The following FPGS variants were observed in gnomAD, a reference collection of about 807,000 sequenced individuals.
FPGS encodes folylpolyglutamate synthase, mitochondrial.
In FPGS, 53 loss-of-function variants were observed where a neutral mutation model predicts 66.5. That is an observed-to-expected ratio of 0.80 (90% CI 0.64 to 1.00). The LOEUF (loss-of-function observed/expected upper bound fraction) is 1.00, where lower values mean the gene tolerates loss of function less well. Ranked by LOEUF, FPGS falls within the 50% of genes least tolerant of loss-of-function variation. The pLI, the probability that FPGS is intolerant of heterozygous loss-of-function variation, is 0.00. For synonymous variants in FPGS, 348 were observed against 350.9 expected, an observed-to-expected ratio of 0.99 and a Z score of 0.09; for missense variants, 702 against 807.7, an observed-to-expected ratio of 0.87 and a Z score of 1.59.
chr9:127,808,820 T>C lies in FPGS; in HGVS notation c.991T>C (p.Ser331Pro), dbSNP rs766532671. Residue 331 changes from serine to proline, a missense_variant, in exon 11 of 15, where the codon TCC (serine) becomes CCC (proline). Coordinates refer to ENST00000373247, the MANE Select transcript of FPGS (RefSeq NM_004957.6). ...CGCAGGTGCTGGGGAGCCAAAGGCA[T>C]CCAGGCCAGGGCTCCTGTGGCAGCT... is the stretch of plus-strand genomic sequence containing the variant. Reference protein sequence around the residue: ...DRHGAGEPKASRPGLLWQLPL... With the variant: ...DRHGAGEPKAPRPGLLWQLPL... 3.8e-6 allele frequency: 6 copies of C among 1,562,340 alleles called. No individual in the cohort carries two copies. In the Admixed American group the frequency reaches 5.7e-5, roughly 15 times the overall value.
Position 127,808,787 on chromosome 9 carries a change from A to G in FPGS, c.971-13A>G. Reference sequence around the variant, plus strand: ...GAGGGTCCCGGACACACTTGGTCTCACACACCCCGCAGGTGCTGGGGAGCC... The same window carrying G: ...GAGGGTCCCGGACACACTTGGTCTCGCACACCCCGCAGGTGCTGGGGAGCC... On this transcript the variant is annotated splice_polypyrimidine_tract_variant and intron_variant, in intron 10 of 14. Coordinates refer to ENST00000373247, the MANE Select transcript of FPGS (RefSeq NM_004957.6). 1 of 1,556,074 alleles carries G rather than the reference A, an allele frequency of 6.4e-7. No homozygotes were observed. The highest frequency in any genetic ancestry group is 8.7e-7 in the Non-Finnish European group (1 of 1,149,710).
At chr9:127,812,699 G>GT (rs139944773) in intron 14 of FPGS, among the ~76,000 whole-genome samples, 49,538 of 149,850 alleles carry the variant, frequency 0.33, 9,531 homozygotes, top group East Asian at 0.66. Context: ...TTGTGTGTGT[G>GT]TGTTTTTTTC....
chr9:127,813,542 A>G lies in FPGS; in HGVS notation c.1702A>G (p.Thr568Ala). ...REAAAIHVLVTGSLHLVGGVL... is the reference protein window; with the variant it reads ...REAAAIHVLVAGSLHLVGGVL... The stretch of plus-strand genomic sequence containing the variant: ...GGCTGCTGCCATCCATGTGCTAGTC[A>G]CTGGCAGCCTGCACCTGGTGGGTGG... Residue 568 changes from threonine to alanine, a missense_variant, in exon 15 of 15, where the codon ACT (threonine) becomes GCT (alanine). Physicochemically the swap from Thr to Ala is moderately conservative, Grantham distance 58. Around this residue, in one of 3 missense-constraint regions of FPGS, gnomAD observed 351 missense variants for 363.7 expected, o/e 0.97. Transcript: ENST00000373247. 1.2e-6 allele frequency: 2 copies of G among 1,602,106 alleles called. No homozygotes were observed. The highest frequency in any genetic ancestry group is 8.5e-7 in the Non-Finnish European group (1 of 1,173,356).
At chr9:127,808,193 G>A (rs777167323) in intron 8 of FPGS, 41 bp from the exon 9 acceptor site, 1 of 1,472,770 alleles carries the variant, frequency 6.8e-7, no homozygotes, top group South Asian at 1.1e-5. Flanking sequence ...GAGTGTGGAG[G>A]ATGCTAGGTA....
chr9:127,807,616 T>G lies in FPGS; in HGVS notation c.672T>G (p.Leu224=). ...RKPVVCGVSS[L]GIDHTSLLGD... is the part of the protein sequence containing the mutation. ...CTGTGGTGTGCGGAGTCTCCTCTCTTGGCATCGACCACACCAGCCTCCTGG... is the reference window on the plus strand; with the variant it reads ...CTGTGGTGTGCGGAGTCTCCTCTCTGGGCATCGACCACACCAGCCTCCTGG... The change falls in exon 8 of 15, where the codon CTT becomes CTG. Residue 224 remains leucine (L), a synonymous_variant. Transcript: ENST00000373247. The surrounding 1 kb of genome is among the most constrained non-coding windows in gnomAD (Gnocchi z 5.8). 2 of 1,612,320 alleles carry G rather than the reference T, an allele frequency of 1.2e-6. No individual in the cohort carries two copies. Among genetic ancestry groups the G allele is most frequent in the Non-Finnish European group, 1.7e-6 (2 of 1,179,448 alleles).
At position 127,813,942 on chromosome 9, in the gene FPGS, A is replaced by T; in HGVS notation, c.*338A>T. ...GCCTGGCCAGGCCCTGGGTCTTGCC[A>T]TGTGCTGGGTGGTAGATTTCCTCCT... On this transcript the variant is annotated 3_prime_UTR_variant, in exon 15 of 15. Coordinates refer to ENST00000373247, the MANE Select transcript of FPGS (RefSeq NM_004957.6). 1 of 1,109,224 alleles carries T rather than the reference A, an allele frequency of 9.0e-7. No individual in the cohort carries two copies. The highest frequency in any genetic ancestry group is 5.1e-5 in the Admixed American group (1 of 19,776). 68.7% of individuals were successfully genotyped at this position (1,109,224 alleles called of 1,614,324 possible).
Position 127,807,059 on chromosome 9 carries a change from GC to G in FPGS, c.475del (p.Leu159SerfsTer23). ...GAGCTCTTCACCAAGTACTTCTGGC[GC>G]CTCTACCACCGGCTGGAGGAGACCA... ...SPELFTKYFW[R>X]LYHRLEETKD... On this transcript the variant is annotated frameshift_variant, in exon 5 of 15. Transcript: ENST00000373247. LOFTEE classifies it high-confidence loss of function. The surrounding 1 kb of genome is among the most constrained non-coding windows in gnomAD (Gnocchi z 5.8). The G allele has an allele frequency of 6.2e-7, 1 of 1,614,156 alleles. No homozygotes were observed. The highest frequency in any genetic ancestry group is 8.5e-7 in the Non-Finnish European group (1 of 1,180,016).
At chr9:127,814,353 AG>A, downstream of FPGS, 1 of 192,696 alleles carries the variant, frequency 5.2e-6, no homozygotes, top group Non-Finnish European at 9.5e-6. Flanking sequence ...GCTGGTTTCA[AG>A]AAGCCATGGA....
chr9:127,803,917 T>G (rs966098837), intron 1 of FPGS, among the ~76,000 whole-genome samples: 2 of 152,178 alleles, frequency 1.3e-5, no homozygotes, highest in South Asian at 2.1e-4. Flanking sequence ...CCTTCTGTAG[T>G]TCTGGCCCCG....
intron 11 of FPGS, 121 bp downstream of exon 11, chr9:127,809,010 A>G (rs2131852611): frequency 4.0e-6 from 3 of 749,310 alleles, no homozygotes; most frequent in Middle Eastern, 3.3e-4. Context: ...AGTGGTGCTT[A>G]AGAGAAAGGA....
downstream of FPGS, chr9:127,814,194 C>G (rs1481203986): frequency 4.1e-6 from 4 of 978,700 alleles, no homozygotes; most frequent in South Asian, 1.9e-4. Flanking sequence ...TCCCTCCCTC[C>G]CTGTGCGCCT....
At chr9:127,804,985 T>C in intron 4 of FPGS, 1 of 350,872 alleles carries the variant, frequency 2.9e-6, no homozygotes, top group Non-Finnish European at 5.3e-6. Flanking sequence ...GCCTGCCAGG[T>C]TCAAGCAATT....
At chr9:127,810,161 CGGTG>C in intron 13 of FPGS, 55 bp downstream of exon 13, 2 of 1,472,146 alleles carry the variant, frequency 1.4e-6, no homozygotes, top group Non-Finnish European at 1.9e-6. Context: ...CTGGGTCTGG[CGGTG>C]TGACCCTGGG....
chr9:127,805,965 C>T (rs1003291160), intron 4 of FPGS, among the ~76,000 whole-genome samples: 2 of 152,204 alleles, frequency 1.3e-5, no homozygotes, highest in Admixed American at 1.3e-4. Flanking sequence ...TCATTTCAAG[C>T]CGATATGTTT....
chr9:127,803,127 C>G, intron 1 of FPGS, 65 bp downstream of exon 1: 1 of 1,278,124 alleles, frequency 7.8e-7, no homozygotes, highest in Non-Finnish European at 9.9e-7. Flanking sequence ...CGCTGAGCCG[C>G]AGAACATCCG....
At chr9:127,810,791 G>A (rs1830040635) in intron 13 of FPGS, among the ~76,000 whole-genome samples, 154 bp from the exon 14 acceptor site, 1 of 152,192 alleles carries the variant, frequency 6.6e-6, no homozygotes, top group Non-Finnish European at 1.5e-5. Context: ...GCAGATGGGG[G>A]CAGGGTGCTG....
Position 127,808,546 on chromosome 9 carries a change from T to A in FPGS, c.823-12T>A, listed in dbSNP as rs774776300. On this transcript the variant is annotated splice_polypyrimidine_tract_variant and intron_variant, in intron 9 of 14. Coordinates refer to ENST00000373247, the MANE Select transcript of FPGS (RefSeq NM_004957.6). Reference sequence around the variant, plus strand: ...GGGCCTCTGCTGACCCGCTCCTGCCTGTCTCCCCTAGTGTCCTCTATACCT... The same window carrying A: ...GGGCCTCTGCTGACCCGCTCCTGCCAGTCTCCCCTAGTGTCCTCTATACCT... 9 of 1,612,230 alleles carry A rather than the reference T, an allele frequency of 5.6e-6. No homozygotes were observed. The highest frequency in any genetic ancestry group is 7.6e-6 in the Non-Finnish European group (9 of 1,179,736).
chr9:127,813,820 C>G lies in FPGS; in HGVS notation c.*216C>G. The G allele has an allele frequency of 2.4e-6, 3 of 1,264,110 alleles. No individual in the cohort carries two copies. The highest frequency in any genetic ancestry group is 3.0e-6 in the Non-Finnish European group (3 of 1,008,884). 78.3% of individuals were successfully genotyped at this position (1,264,110 alleles called of 1,614,324 possible). ...CTTGGCTGAGATAGCAGAGGGGCTC[C>G]CCGGGTCTCTCACTGTTGCAGTGGC... is the stretch of plus-strand genomic sequence containing the variant. On this transcript the variant is annotated 3_prime_UTR_variant, in exon 15 of 15. Transcript: ENST00000373247.
chr9:127,813,697 C>G lies in FPGS; in HGVS notation c.*93C>G. 7.0e-7 allele frequency: 1 copy of G among 1,424,050 alleles called. No homozygotes were observed. Among genetic ancestry groups the G allele is most frequent in the Non-Finnish European group, 9.2e-7 (1 of 1,090,060 alleles). The allele number at this position is 1,424,050 out of a possible 1,614,324, so 88.2% of individuals were successfully genotyped here. A position where few individuals can be genotyped will look rare whatever the true frequency, so the allele number is the denominator to read the frequency against. On this transcript the variant is annotated 3_prime_UTR_variant, in exon 15 of 15. Coordinates refer to ENST00000373247, the MANE Select transcript of FPGS (RefSeq NM_004957.6). Reference sequence around the variant, plus strand: ...TAGGTGCCTTTTGTTTTTGGCTTTCCTGGTTCTGTCTAGACTGGCCTAGGG... The same window carrying G: ...TAGGTGCCTTTTGTTTTTGGCTTTCGTGGTTCTGTCTAGACTGGCCTAGGG...
Sources: gnomAD v4.1 joint callset for allele counts (sites outside exome capture counted in the v4.1 genomes callset) on GRCh38, gnomAD v4.1.1 for gene constraint, gnomAD v4.1.1 regional missense constraint, Gnocchi (gnomAD v3.1) non-coding constraint, MANE v1.5 for transcripts, NCBI Gene and HGNC (gene_info 2026-07-23, HGNC 2026-07-21) for gene names.